LARP1: variants seen among roughly 807,000 people sequenced by gnomAD.
LARP1 encodes La ribonucleoprotein 1, translational regulator.
A neutral mutation model predicts 122.7 loss-of-function variants in LARP1; 36 were observed. That is an observed-to-expected ratio of 0.29 (90% CI 0.22 to 0.39). The LOEUF (loss-of-function observed/expected upper bound fraction) is 0.39. LARP1 is among the 10% of genes least tolerant of loss of function. The pLI, the probability that LARP1 is intolerant of heterozygous loss-of-function variation, is 1.00. For synonymous variants in LARP1, 539 were observed against 528.7 expected (o/e 1.02, Z -0.27); for missense variants, 1,040 against 1,403.6 (o/e 0.74, Z 4.14).
intron 1 of LARP1, among the ~76,000 whole-genome samples, chr5:154,738,371 C>A (rs1354505979): frequency 6.6e-6 from 1 of 152,002 alleles, no homozygotes; most frequent in Non-Finnish European, 1.5e-5. Flanking sequence ...GTGGGTGGAT[C>A]GCCTGAGGTC....
intron 3 of LARP1, among the ~76,000 whole-genome samples, chr5:154,791,470 A>T (rs554131501): frequency 6.6e-6 from 1 of 152,128 alleles, no homozygotes; most frequent in Non-Finnish European, 1.5e-5. Flanking sequence ...CGGCCTCCCA[A>T]AGTGCTGGGA....
intron 7 of LARP1, 117 bp from the exon 8 acceptor site, chr5:154,795,058 A>T: frequency 1.1e-6 from 1 of 935,286 alleles, no homozygotes; most frequent in Non-Finnish European, 1.7e-6. Context: ...TAGGATAAGG[A>T]TGGGGTAGGT....
intron 1 of LARP1, among the ~76,000 whole-genome samples, chr5:154,691,950 C>T (rs924542671): frequency 4.1e-5 from 6 of 147,594 alleles, no homozygotes; most frequent in African/African-American, 1.5e-4. Flanking sequence ...CCACCACGCC[C>T]GGCTAATTTT....
At chr5:154,703,120 C>CAAAAAAAAAA (rs757446137) in intron 1 of LARP1, among the ~76,000 whole-genome samples, 1 of 38,760 alleles carries the variant, frequency 2.6e-5, no homozygotes, top group Non-Finnish European at 5.0e-5. Flanking sequence ...GACGCTGTCT[C>CAAAAAAAAAA]AAAAAAAAAA....
rs181106484 is a variant in LARP1, at chr5:154,784,505, A to G, written c.437-5820A>G. On this transcript the variant is annotated intron_variant, in intron 1 of 18. Transcript: ENST00000518297. Reference sequence around the variant, plus strand: ...TGGTAAACAGCCTTTTCAGATGCCAATCTCCAGGAGATGATACCAGTCCCC... The same window carrying G: ...TGGTAAACAGCCTTTTCAGATGCCAGTCTCCAGGAGATGATACCAGTCCCC... Among the ~76,000 whole-genome samples the G allele has an allele frequency of 3.9e-5, 6 of 152,304 alleles. No homozygotes were observed. The East Asian group carries it at 5.8e-4, about 15-fold the overall frequency.
chr5:154,704,107 T>A (rs1395128450), intron 1 of LARP1, among the ~76,000 whole-genome samples: 1 of 152,190 alleles, frequency 6.6e-6, no homozygotes, highest in African/African-American at 2.4e-5. Context: ...GTGCAATTAT[T>A]TAACCCATTT....
chr5:154,686,194 G>A (rs1753932521), intron 1 of LARP1, among the ~76,000 whole-genome samples: 1 of 152,198 alleles, frequency 6.6e-6, no homozygotes, highest in African/African-American at 2.4e-5. Context: ...TACCAGGAAA[G>A]CTAAGACTCT....
intron 1 of LARP1, among the ~76,000 whole-genome samples, chr5:154,779,505 CTTTTTTT>C (rs11339301): frequency 1.6e-5 from 2 of 123,204 alleles, no homozygotes; most frequent in Non-Finnish European, 3.4e-5. Flanking sequence ...TACATTCTCT[CTTTTTTT>C]TTTTTTTTTT....
intron 1 of LARP1, among the ~76,000 whole-genome samples, chr5:154,764,312 A>G (rs1359250561): frequency 6.7e-6 from 1 of 150,170 alleles, no homozygotes; most frequent in Non-Finnish European, 1.5e-5. Flanking sequence ...TTCATCTCAA[A>G]AAAAAAAAAA....
Position 154,756,151 on chromosome 5 carries a change from T to G in LARP1, c.394T>G (p.Leu132Val). The stretch of plus-strand genomic sequence containing the variant: ...GGTGAACCCGTGGACTAAGAACGCA[T>G]TGCCGCCGGTCCTGACCACCGTGAA... ...PKVNPWTKNA[L>V]PPVLTTVNGQ... The change falls in exon 1 of 19, where the codon TTG becomes GTG. Residue 132 changes from leucine (L) to valine (V), a missense_variant. Leu to Val is a conservative substitution (Grantham distance 32, BLOSUM62 1). Around this residue, in one of 8 missense-constraint regions of LARP1, gnomAD observed 257 missense variants for 273.3 expected, o/e 0.94. Coordinates refer to ENST00000518297, the MANE Select transcript of LARP1 (RefSeq NM_033551.3). 1 of 1,315,740 alleles carries G rather than the reference T, an allele frequency of 7.6e-7. No individual in the cohort carries two copies. Among genetic ancestry groups the G allele is most frequent in the Non-Finnish European group, 1.0e-6 (1 of 998,736 alleles). The allele number at this position is 1,315,740 out of a possible 1,614,324, so 81.5% of individuals were successfully genotyped here. A position where few individuals can be genotyped will look rare whatever the true frequency, so the allele number is the denominator to read the frequency against.
chr5:154,738,394 C>A (rs1250132919), intron 1 of LARP1, among the ~76,000 whole-genome samples: 1 of 152,150 alleles, frequency 6.6e-6, no homozygotes, highest in Non-Finnish European at 1.5e-5. Flanking sequence ...GAGTTCGAGA[C>A]CAGCCTGGCC....
chr5:154,799,283 A>G (rs1372208628), intron 8 of LARP1, among the ~76,000 whole-genome samples: 1 of 152,164 alleles, frequency 6.6e-6, no homozygotes, highest in Non-Finnish European at 1.5e-5. Flanking sequence ...TTTACTGTGA[A>G]TGGCTTTTTG....
chr5:154,805,547 A>G (rs1758705700), intron 14 of LARP1, among the ~76,000 whole-genome samples: 1 of 152,250 alleles, frequency 6.6e-6, no homozygotes, highest in African/African-American at 2.4e-5. Context: ...TTGACCCATG[A>G]TGGCTCATTA....
chr5:154,701,356 A>C (rs756445749), intron 1 of LARP1, among the ~76,000 whole-genome samples: 2 of 152,106 alleles, frequency 1.3e-5, no homozygotes, highest in Non-Finnish European at 2.9e-5. Context: ...ACCTGCAGAG[A>C]GGTTTGCATT....
intron 1 of LARP1, chr5:154,685,708 G>A (rs113185888): frequency 1.7e-5 from 7 of 410,316 alleles, no homozygotes; most frequent in South Asian, 7.0e-5. Flanking sequence ...ACAGTGGCTC[G>A]CACCTGTAAT....
rs767434439 is a variant in LARP1 at position 154,799,952 on chromosome 5, C to CAAG, written c.1627_1629dup (p.Lys543dup). 1 of 1,614,202 alleles carries CAAG rather than the reference C, an allele frequency of 6.2e-7. No individual in the cohort carries two copies. ...AGGTCAGCAACCTAAAGACACTACC[C>CAAG]AAGGGCCTGTCTGCCAGCCTGCCTG... On this transcript the variant is annotated inframe_insertion, in exon 10 of 19. Transcript: ENST00000518297.
intron 1 of LARP1, among the ~76,000 whole-genome samples, chr5:154,687,412 C>T (rs1386215209): frequency 6.6e-6 from 1 of 152,118 alleles, no homozygotes; most frequent in East Asian, 1.9e-4. Context: ...GACGGAGTCT[C>T]ACTCTGTCAC....
At chr5:154,703,953 A>G (rs1446950392) in intron 1 of LARP1, among the ~76,000 whole-genome samples, 1 of 152,130 alleles carries the variant, frequency 6.6e-6, no homozygotes, top group East Asian at 1.9e-4. Flanking sequence ...TATTCATTCA[A>G]CAAGCATTGA....
chr5:154,760,046 T>C (rs151246695), intron 1 of LARP1, among the ~76,000 whole-genome samples: 3 of 152,074 alleles, frequency 2.0e-5, no homozygotes, highest in African/African-American at 4.8e-5. Flanking sequence ...TTCAAGCGAT[T>C]CTCCTGCCTC....
Sources: gnomAD v4.1 joint callset for allele counts (sites outside exome capture counted in the v4.1 genomes callset) on GRCh38, gnomAD v4.1.1 for gene constraint, gnomAD v4.1.1 regional missense constraint, MANE v1.5 for transcripts, NCBI Gene and HGNC (gene_info 2026-07-23, HGNC 2026-07-21) for gene names.